ARID1A: variants seen among roughly 807,000 people sequenced by gnomAD.
The protein encoded by ARID1A is AT-rich interactive domain-containing protein 1A.
In ARID1A, 20 loss-of-function variants were observed where a neutral mutation model predicts 212.6. The observed-to-expected ratio is 0.09, with a 90% CI of 0.07 to 0.14. The LOEUF is 0.14. Ranked by LOEUF, ARID1A falls within the 10% of genes least tolerant of loss-of-function variation. The pLI is 1.00. For synonymous variants in ARID1A, 1,376 were observed against 1,222.1 expected, an observed-to-expected ratio of 1.13 and a Z score of -2.63; for missense variants, 2,587 against 3,059.0, an observed-to-expected ratio of 0.85 and a Z score of 3.64.
At chr1:26,775,810 C>T (rs1224881619) in intron 19 of ARID1A, 103 bp downstream of exon 19, 2 of 1,535,602 alleles carry the variant, frequency 1.3e-6, no homozygotes, top group African/African-American at 1.4e-5. Flanking sequence ...CTCTTTCTCT[C>T]TTGTAGATAT....
Position 26,720,810 on chromosome 1 carries a change from A to G in ARID1A, c.1138-8841A>G, listed in dbSNP as rs184440101. ...GCCCAGGATAGGAGGTTGAGGCTGC[A>G]GTGGGCCATGATTGCACCACTGCAC... On this transcript the variant is annotated intron_variant, in intron 1 of 19. Coordinates refer to ENST00000324856, the MANE Select transcript of ARID1A (RefSeq NM_006015.6). Among the ~76,000 whole-genome samples the G allele has an allele frequency of 7.3e-3, 1,109 of 151,738 alleles. 5 individuals carry two copies. Among genetic ancestry groups the G allele is most frequent in the Non-Finnish European group, 0.012 (817 of 67,886 alleles).
At chr1:26,754,921 C>A (rs977366383) in intron 4 of ARID1A, among the ~76,000 whole-genome samples, 3 of 152,126 alleles carry the variant, frequency 2.0e-5, no homozygotes, top group Non-Finnish European at 4.4e-5. Flanking sequence ...GAATTTGAGA[C>A]CAGCCTGGGC....
At chr1:26,714,688 G>A (rs2080485312) in intron 1 of ARID1A, among the ~76,000 whole-genome samples, 1 of 152,060 alleles carries the variant, frequency 6.6e-6, no homozygotes, top group South Asian at 2.1e-4. Context: ...GTGCTGGGAT[G>A]ACAGGCATGA....
Position 26,726,791 on chromosome 1 carries a change from A to G in ARID1A, c.1138-2860A>G, listed in dbSNP as rs2080623668. ...GCTTCCCAGAAGTTAGTCTTGAGAAATGCAATCAGTTAGTTGGAATAGTTA... is the reference window on the plus strand; with the variant it reads ...GCTTCCCAGAAGTTAGTCTTGAGAAGTGCAATCAGTTAGTTGGAATAGTTA... On this transcript the variant is annotated intron_variant, in intron 1 of 19. Transcript: ENST00000324856. Among the ~76,000 whole-genome samples, 2 of 152,268 alleles carry G rather than the reference A, an allele frequency of 1.3e-5. 1 individual carries two copies. The highest frequency in any genetic ancestry group is 4.8e-5 in the African/African-American group (2 of 41,474).
rs2081169712 is a variant in ARID1A at position 26,779,463 on chromosome 1, C to T, written c.5565C>T (p.Ile1855=). 1.2e-6 allele frequency: 2 copies of T among 1,614,092 alleles called. No homozygotes were observed. Among genetic ancestry groups the T allele is most frequent in the Non-Finnish European group, 1.7e-6 (2 of 1,180,036 alleles). Residue 1855 remains isoleucine, a synonymous_variant, in exon 20 of 20, where the codon ATC becomes ATT. Transcript: ENST00000324856. ...GTGGGGGGGACACCACTGAGCATAT[C>T]CAGACCCACTTCGAGAGCAAGACAG... ...RIGGGDTTEH[I]QTHFESKTEL...
intron 4 of ARID1A, among the ~76,000 whole-genome samples, chr1:26,752,205 A>T (rs2080890838): frequency 6.6e-6 from 1 of 152,096 alleles, no homozygotes; most frequent in African/African-American, 2.4e-5. Context: ...TGGAATTACC[A>T]CCGGGTGTGA....
chr1:26,762,913 A>C, intron 7 of ARID1A, 60 bp from the exon 8 acceptor site: 9 of 1,412,322 alleles, frequency 6.4e-6, no homozygotes, highest in African/African-American at 1.4e-5. Flanking sequence ...TCTAGAGTTG[A>C]GAGATATTAG....
Position 26,763,235 on chromosome 1 carries a change from C to T in ARID1A, c.2682C>T (p.Thr894=), listed in dbSNP as rs780513092. The T allele has an allele frequency of 6.2e-7, 1 of 1,613,312 alleles. No homozygotes were observed. The highest frequency in any genetic ancestry group is 1.3e-5 in the African/African-American group (1 of 75,056). The part of the protein sequence containing the change: ...CPPPGGMNRK[T]QETAVAMHVA... ...CACCAGGGGGCATGAACCGGAAAAC[C>T]CAAGAAACTGCTGTCGCCATGCATG... The change falls in exon 8 of 20, where the codon ACC becomes ACT. Residue 894 remains threonine, a synonymous_variant. Coordinates refer to ENST00000324856, the MANE Select transcript of ARID1A (RefSeq NM_006015.6).
intron 1 of ARID1A, among the ~76,000 whole-genome samples, chr1:26,710,508 C>CACACACACACACAG (rs1553147503): frequency 6.6e-6 from 1 of 150,540 alleles, no homozygotes; most frequent in Non-Finnish European, 1.5e-5. Flanking sequence ...CACACACACA[C>CACACACACACACAG]ACACACACAC....
chr1:26,763,955 A>G (rs980923123), intron 8 of ARID1A, among the ~76,000 whole-genome samples: 1 of 151,536 alleles, frequency 6.6e-6, no homozygotes, highest in Non-Finnish European at 1.5e-5. Context: ...CACCCAGCTA[A>G]TTTTTTTTAT....
intron 1 of ARID1A, among the ~76,000 whole-genome samples, chr1:26,708,938 G>A (rs533313073): frequency 2.0e-5 from 3 of 149,078 alleles, no homozygotes; most frequent in Non-Finnish European, 3.0e-5. Flanking sequence ...CTCGTGATCC[G>A]CCCGCTTCGG....
At chr1:26,705,574 G>C (rs2124755098) in intron 1 of ARID1A, among the ~76,000 whole-genome samples, 1 of 152,176 alleles carries the variant, frequency 6.6e-6, no homozygotes, top group South Asian at 2.1e-4. Flanking sequence ...TGCAAAAGTG[G>C]GTTTTCAGTT....
intron 11 of ARID1A, chr1:26,769,605 C>G (rs572518791): frequency 6.6e-6 from 1 of 152,384 alleles, no homozygotes; most frequent in East Asian, 1.9e-4. Flanking sequence ...CTCTGCCCCT[C>G]TAGGTTGTCC....
intron 1 of ARID1A, among the ~76,000 whole-genome samples, chr1:26,698,138 C>T (rs1041549624): frequency 6.6e-6 from 1 of 152,218 alleles, no homozygotes; most frequent in Non-Finnish European, 1.5e-5. Flanking sequence ...GCCTGGGCTT[C>T]TCCCTGGAAG....
At chr1:26,778,831 A>G in intron 19 of ARID1A, 192 bp from the exon 20 acceptor site, 1 of 510,924 alleles carries the variant, frequency 2.0e-6, no homozygotes, top group East Asian at 3.0e-5. Flanking sequence ...TAGGTTGGGC[A>G]GAAGAAAGAA....
chr1:26,733,415 T>C (rs891723352), intron 4 of ARID1A, among the ~76,000 whole-genome samples: 1 of 152,154 alleles, frequency 6.6e-6, no homozygotes, highest in African/African-American at 2.4e-5. Context: ...TGGCTCTAGC[T>C]TCTGCCACCA....
intron 4 of ARID1A, among the ~76,000 whole-genome samples, chr1:26,743,825 A>G (rs1288763856): frequency 6.6e-6 from 1 of 152,026 alleles, no homozygotes; most frequent in East Asian, 1.9e-4. Flanking sequence ...GAAGGATTTT[A>G]ATTTTACACA....
At position 26,749,152 on chromosome 1, in the gene ARID1A, G is replaced by A. The variant is rs915826797; in HGVS notation, c.1921-11704G>A. On this transcript the variant is annotated intron_variant, in intron 4 of 19. Coordinates refer to ENST00000324856, the MANE Select transcript of ARID1A (RefSeq NM_006015.6). ...TGCACTCCAGCCTCGGTGACAGAGC[G>A]AGACTCCGTCTCAAAAAATAATAAT... Among the ~76,000 whole-genome samples the A allele has an allele frequency of 1.3e-4, 20 of 152,100 alleles. No homozygotes were observed. The East Asian group carries it at 2.9e-3, about 22-fold the overall frequency.
intron 4 of ARID1A, among the ~76,000 whole-genome samples, chr1:26,758,661 C>A (rs575200889): frequency 6.6e-6 from 1 of 151,988 alleles, no homozygotes; most frequent in East Asian, 1.9e-4. Flanking sequence ...AGGATGTAAT[C>A]CCTCTATCTT....
Sources: allele counts gnomAD v4.1 joint callset (sites outside exome capture counted in the v4.1 genomes callset), GRCh38; gene constraint gnomAD v4.1.1; transcripts MANE v1.5; gene names NCBI Gene and HGNC (gene_info 2026-07-23, HGNC 2026-07-21).